The following SLC16A5 variants were observed in gnomAD, a reference collection of about 807,000 sequenced individuals.
SLC16A5 encodes monocarboxylate transporter 6.
SLC16A5 carries 29 observed loss-of-function variants against 33.2 expected under a neutral mutation model. The observed-to-expected ratio is 0.87, with a 90% confidence interval of 0.65 to 1.19. The LOEUF (loss-of-function observed/expected upper bound fraction) is 1.19. Among genes scored for constraint, SLC16A5 ranks in the 50% most tolerant of loss-of-function variants. The pLI is 0.00. For missense variants in SLC16A5, 606 were observed against 678.2 expected (o/e 0.89, Z 1.18); for synonymous variants, 248 against 284.1 (o/e 0.87, Z 1.28).
chr17:75,093,452 A>G (rs2073669984), intron 2 of SLC16A5, 137 bp from the exon 3 acceptor site: 1 of 1,535,990 alleles, frequency 6.5e-7, no homozygotes, highest in South Asian at 1.2e-5. Flanking sequence ...GCCACCTCCC[A>G]GGGGTGGTGC....
intron 5 of SLC16A5, among the ~76,000 whole-genome samples, 158 bp downstream of exon 5, chr17:75,100,974 C>T (rs899563544): frequency 9.2e-5 from 14 of 152,062 alleles, no homozygotes; most frequent in African/African-American, 2.9e-4. Context: ...TTTGGCCCGG[C>T]GCGGTGGCTC....
At chr17:75,104,909 A>G (rs1032865976) in intron 6 of SLC16A5, 4 of 985,296 alleles carry the variant, frequency 4.1e-6, no homozygotes, top group Non-Finnish European at 4.8e-6. Context: ...TGCTGCTCCT[A>G]CAGCTCAATG....
At position 75,100,717 on chromosome 17, in the gene SLC16A5, G is replaced by A. The variant is rs2073786057; in HGVS notation, c.1054G>A (p.Val352Ile). 1.2e-6 allele frequency: 2 copies of A among 1,614,020 alleles called. No homozygotes were observed. Among genetic ancestry groups the A allele is most frequent in the Admixed American group, 1.7e-5 (1 of 59,994 alleles). ...MSGIGALIFQ[V>I]LMDIVPMDQF... ...TGGCATCGGCGCCCTCATCTTCCAG[G>A]TTCTCATGGACATCGTCCCCATGGA... The change falls in exon 5 of 7, where the codon GTT (valine) becomes ATT (isoleucine). Residue 352 changes from valine to isoleucine, a missense_variant. By Grantham distance (29) the Val-to-Ile change is conservative. Transcript: ENST00000329783.
At chr17:75,106,803 G>C (rs1372615881), downstream of SLC16A5, among the ~76,000 whole-genome samples, 1 of 152,072 alleles carries the variant, frequency 6.6e-6, no homozygotes, top group African/African-American at 2.4e-5. Flanking sequence ...GCTGAGGCAG[G>C]AAATTTGCTT....
In SLC16A5 at chr17:75,103,984, G is replaced by A. The variant is rs760611377; in HGVS notation, c.1168G>A (p.Ala390Thr). ...CTGTTCCCCAGGGTTGCTCCTGGAC[G>A]CCACCAACAACTTTAGCTATGTTTT... ...SPPLAGLLLD[A>T]TNNFSYVFYM... The change falls in exon 6 of 7, where the codon GCC (alanine) becomes ACC (threonine). Residue 390 changes from alanine (A) to threonine (T), a missense_variant. By Grantham distance (58) the Ala-to-Thr change is moderately conservative. Coordinates refer to ENST00000329783, the MANE Select transcript of SLC16A5 (RefSeq NM_004695.4). 2.0e-5 allele frequency: 32 copies of A among 1,614,054 alleles called. No homozygotes were observed. Among genetic ancestry groups the A allele is most frequent in the Admixed American group, 5.0e-5 (3 of 60,018 alleles).
At chr17:75,109,133 C>T (rs1037352560), downstream of SLC16A5, among the ~76,000 whole-genome samples, 2 of 150,052 alleles carry the variant, frequency 1.3e-5, no homozygotes, top group African/African-American at 5.1e-5. This position sits in a 1 kb window ranked among gnomAD's most constrained non-coding sequence, Gnocchi z 5.0. Flanking sequence ...CTATCACACA[C>T]CCGCTTCCTG....
chr17:75,088,524 C>T (rs767948012), intron 1 of SLC16A5, among the ~76,000 whole-genome samples: 8 of 152,158 alleles, frequency 5.3e-5, no homozygotes, highest in Non-Finnish European at 1.0e-4. Flanking sequence ...TCCCTCCTCC[C>T]TAGGCCAACC....
chr17:75,109,977 G>A, downstream of SLC16A5: 1 of 321,154 alleles, frequency 3.1e-6, no homozygotes, highest in South Asian at 4.2e-5. The surrounding 1 kb of genome is among the most constrained non-coding windows in gnomAD (Gnocchi z 5.0). Flanking sequence ...CCGGAACCGA[G>A]CCCAGGAGCC....
In SLC16A5 at chr17:75,093,585, C is replaced by G. The variant is rs2145004646; in HGVS notation, c.-48-4C>G. The G allele has an allele frequency of 1.3e-6, 2 of 1,574,398 alleles. No individual in the cohort carries two copies. Among genetic ancestry groups the G allele is most frequent in the Non-Finnish European group, 1.7e-6 (2 of 1,165,430 alleles). ...CACCAGGCTCCATTCTGTCCCCTCC[C>G]CAGGCAGCAGCCACATTGGCAGTGA... On this transcript the variant is annotated splice_region_variant and splice_polypyrimidine_tract_variant and intron_variant, in intron 2 of 6. Transcript: ENST00000329783.
chr17:75,093,744 C>T lies in SLC16A5; in HGVS notation c.108C>T (p.Ile36=). The change falls in exon 3 of 7, where the codon ATC becomes ATT. Residue 36 remains isoleucine, a synonymous_variant. Transcript: ENST00000329783. ...LTLGFPTCIG[I]FFTELQWEFQ... ...TGGGCTTCCCCACGTGTATCGGCAT[C>T]TTCTTCACTGAATTGCAATGGGAGT... The T allele has an allele frequency of 6.2e-7, 1 of 1,613,966 alleles. No individual in the cohort carries two copies. Among genetic ancestry groups the T allele is most frequent in the Non-Finnish European group, 8.5e-7 (1 of 1,179,848 alleles).
At chr17:75,096,257 G>A (rs1211645015) in intron 3 of SLC16A5, among the ~76,000 whole-genome samples, 1 of 151,778 alleles carries the variant, frequency 6.6e-6, no homozygotes, top group Non-Finnish European at 1.5e-5. Context: ...TGAGTTCACG[G>A]CAGAGGAAAC....
At chr17:75,092,452 G>A (rs1018646356) in intron 2 of SLC16A5, among the ~76,000 whole-genome samples, 2 of 151,746 alleles carry the variant, frequency 1.3e-5, no homozygotes, top group Non-Finnish European at 2.9e-5. Context: ...CGCCTCCTGG[G>A]TTCAAGCGAT....
chr17:75,105,182 C>A (rs939009578), intron 6 of SLC16A5: 41 of 985,326 alleles, frequency 4.2e-5, no homozygotes, highest in Non-Finnish European at 4.2e-5. Flanking sequence ...GTGCAGAGAA[C>A]GGGAGGGGGG....
chr17:75,091,552 C>T (rs1187772346), intron 2 of SLC16A5, among the ~76,000 whole-genome samples: 2 of 152,068 alleles, frequency 1.3e-5, no homozygotes, highest in African/African-American at 4.8e-5. Context: ...TCTGGGAGGG[C>T]GGAGGATTGG....
downstream of SLC16A5, among the ~76,000 whole-genome samples, chr17:75,109,116 G>A (rs943919574): frequency 6.6e-6 from 1 of 152,086 alleles, no homozygotes. The surrounding 1 kb of genome is among the most constrained non-coding windows in gnomAD (Gnocchi z 5.0). Context: ...CTGTAACCAC[G>A]AGCAATCTAT....
At chr17:75,107,018 GA>G (rs776631773), downstream of SLC16A5, among the ~76,000 whole-genome samples, 121 of 142,970 alleles carry the variant, frequency 8.5e-4, no homozygotes, top group East Asian at 1.8e-3. Context: ...TAAGGAAAGG[GA>G]AAAAAAAAAA....
intron 5 of SLC16A5, among the ~76,000 whole-genome samples, chr17:75,101,511 G>A (rs1471728442): frequency 7.6e-6 from 1 of 130,814 alleles, no homozygotes; most frequent in African/African-American, 2.8e-5. Flanking sequence ...GCAGTGAGCT[G>A]AGATCACGCC....
In SLC16A5 at chr17:75,100,401, G is replaced by A. The variant is rs1192196406; in HGVS notation, c.738G>A (p.Met246Ile). 6.2e-7 allele frequency: 1 copy of A among 1,614,250 alleles called. No homozygotes were observed. The change falls in exon 5 of 7, where the codon ATG becomes ATA. Residue 246 changes from methionine (M) to isoleucine (I), a missense_variant. Met to Ile is a conservative substitution (Grantham distance 10). Transcript: ENST00000329783. The stretch of plus-strand genomic sequence containing the variant: ...ACTGCGTGTACATACTGGGTGTGAT[G>A]TGGTCCGTCCTGGGCTTCCCACTGC... ...TGYCVYILGV[M>I]WSVLGFPLPQ...
chr17:75,108,079 C>T (rs951617756), downstream of SLC16A5, among the ~76,000 whole-genome samples: 1 of 151,928 alleles, frequency 6.6e-6, no homozygotes, highest in African/African-American at 2.4e-5. Context: ...TCCAGCCTGG[C>T]GACAGAGCGA....
Sources: allele counts gnomAD v4.1 joint callset (sites outside exome capture counted in the v4.1 genomes callset), GRCh38; gene constraint gnomAD v4.1.1; non-coding constraint Gnocchi (gnomAD v3.1); transcripts MANE v1.5; gene names NCBI Gene and HGNC (gene_info 2026-07-23, HGNC 2026-07-21).